The following TMEM230 variants were observed in gnomAD, a reference collection of about 807,000 sequenced individuals.
TMEM230 encodes UPF0414 transmembrane protein C20orf30.
Under a neutral mutation model 15.8 loss-of-function variants are expected in TMEM230, and 10 were observed. The observed-to-expected ratio is 0.63, with a 90% confidence interval of 0.39 to 1.07. The LOEUF is 1.07. Among genes scored for constraint, TMEM230 ranks in the 50% least tolerant of loss-of-function variants. The pLI is 0.01. For missense variants in TMEM230, 165 were observed against 193.3 expected, an observed-to-expected ratio of 0.85 and a Z score of 0.87; for synonymous variants, 67 against 76.9, an observed-to-expected ratio of 0.87 and a Z score of 0.68.
At chr20:5,067,410 C>CATATATATATATATATAT (rs60791101), downstream of TMEM230, 8 of 102,312 alleles carry the variant, frequency 7.8e-5, 1 homozygote, top group Non-Finnish European at 1.6e-4. Flanking sequence ...TGTTTAGGCT[C>CATATATATATATATATAT]ATATATATAT....
chr20:5,069,381 C>G (rs1482656819), intron 3 of TMEM230: 2 of 1,513,184 alleles, frequency 1.3e-6, no homozygotes, highest in Non-Finnish European at 1.8e-6. Context: ...TCAATTCCAC[C>G]ACAAGTTCTG....
At chr20:5,062,740 G>A in the TMEM230 span, among the ~76,000 whole-genome samples, 3 of 152,100 alleles carry the variant, frequency 2.0e-5, no homozygotes, top group Admixed American at 2.0e-4. Context: ...TCCAGCCTGG[G>A]AAACAGAGTG....
chr20:5,076,474 G>A lies in TMEM230; in HGVS notation c.223-7125C>T, dbSNP rs199950963. On this transcript the variant is annotated intron_variant, in intron 3 of 3. Coordinates refer to the TMEM230 transcript ENST00000612323. Reference sequence around the variant, plus strand: ...GAGAATCACTTGCACCCATGAGGTGGAGGTTGCAGTGAGCTGAGAGCGCGC... The same window carrying A: ...GAGAATCACTTGCACCCATGAGGTGAAGGTTGCAGTGAGCTGAGAGCGCGC... Among the ~76,000 whole-genome samples, 15 of 152,076 alleles carry A rather than the reference G, an allele frequency of 9.9e-5. No individual in the cohort carries two copies. The East Asian group carries it at 2.9e-3, about 30-fold the overall frequency.
chr20:5,111,894 T>G (rs1233952072), intron 1 of TMEM230: 1 of 620,706 alleles, frequency 1.6e-6, no homozygotes, highest in Non-Finnish European at 2.0e-6. Flanking sequence ...TCACCCAGGC[T>G]AGAGTTTAGG....
At chr20:5,111,949 C>T (rs533727287) in intron 1 of TMEM230, 3 of 199,710 alleles carry the variant, frequency 1.5e-5, no homozygotes, top group East Asian at 1.9e-4. Context: ...AGGGTTCAAA[C>T]GATTCTCCTG....
At chr20:5,098,082 A>G (rs901585883), downstream of TMEM230, among the ~76,000 whole-genome samples, 38 of 148,826 alleles carry the variant, frequency 2.6e-4, no homozygotes, top group African/African-American at 9.5e-4. Context: ...GGTTCAAGCA[A>G]TTCTCCTGCC....
At chr20:5,067,506 C>T (rs955894355), downstream of TMEM230, 2 of 145,936 alleles carry the variant, frequency 1.4e-5, no homozygotes, top group Non-Finnish European at 3.0e-5. Flanking sequence ...TGCAATGGTG[C>T]CATCTTGGCT....
At chr20:5,081,293 C>T (rs899560958) in intron 3 of TMEM230, among the ~76,000 whole-genome samples, 1 of 152,118 alleles carries the variant, frequency 6.6e-6, no homozygotes, top group Non-Finnish European at 1.5e-5. Flanking sequence ...GGGCGAGCTG[C>T]CAGCAGGAGA....
downstream of TMEM230, among the ~76,000 whole-genome samples, chr20:5,063,776 C>CA (rs1193489523): frequency 2.1e-5 from 3 of 144,302 alleles, no homozygotes; most frequent in African/African-American, 8.5e-5. Flanking sequence ...GAATTTATAA[C>CA]AAAAATCCAA....
Position 5,085,947 on chromosome 20 carries a change from T to C in TMEM230, c.223-16598A>G, listed in dbSNP as rs192559474. Among the ~76,000 whole-genome samples, 648 of 152,224 alleles carry C rather than the reference T, an allele frequency of 4.3e-3. 6 individuals are homozygous for C. Among genetic ancestry groups the C allele is most frequent in the African/African-American group, 0.015 (610 of 41,548 alleles). Reference sequence around the variant, plus strand: ...TACCTGCCGTGTCACCTCTCACAGGTGCTCCTCTCACAGGCTGCTCCATCA... The same window carrying C: ...TACCTGCCGTGTCACCTCTCACAGGCGCTCCTCTCACAGGCTGCTCCATCA... On this transcript the variant is annotated intron_variant, in intron 3 of 3. Transcript: ENST00000612323.
chr20:5,101,715 A>G (rs1158983427), intron 4 of TMEM230, among the ~76,000 whole-genome samples: 1 of 152,220 alleles, frequency 6.6e-6, no homozygotes, highest in African/African-American at 2.4e-5. Flanking sequence ...GGCTTGAGCC[A>G]CTGCACCTGG....
chr20:5,108,474 T>G (rs368083402), intron 3 of TMEM230, among the ~76,000 whole-genome samples: 9 of 151,490 alleles, frequency 5.9e-5, no homozygotes, highest in Middle Eastern at 3.5e-3. Context: ...TCCAAATGAT[T>G]AGTTGTTTGT....
At chr20:5,067,429 A>ATATATATG (rs2088681181), downstream of TMEM230, 2 of 12,172 alleles carry the variant, frequency 1.6e-4, no homozygotes, top group Non-Finnish European at 2.9e-4. Flanking sequence ...ATATATATAT[A>ATATATATG]TATATATATA....
chr20:5,069,759 G>A (rs2088764106), intron 3 of TMEM230, among the ~76,000 whole-genome samples: 2 of 151,672 alleles, frequency 1.3e-5, no homozygotes, highest in Non-Finnish European at 2.9e-5. Context: ...ACCTAGGCTG[G>A]AGTGCAGTGG....
At chr20:5,093,235 T>A (rs2089560193) in intron 3 of TMEM230, among the ~76,000 whole-genome samples, 1 of 152,220 alleles carries the variant, frequency 6.6e-6, no homozygotes, top group Admixed American at 6.5e-5. Context: ...ACCTCCATTT[T>A]ATTTCCTATT....
intron 3 of TMEM230, among the ~76,000 whole-genome samples, chr20:5,083,855 T>C (rs1319855565): frequency 6.6e-6 from 1 of 152,150 alleles, no homozygotes; most frequent in Non-Finnish European, 1.5e-5. Flanking sequence ...AAGATCTTTT[T>C]CTCTCTCTTT....
chr20:5,091,500 C>T (rs759716485), intron 3 of TMEM230, among the ~76,000 whole-genome samples: 6 of 152,106 alleles, frequency 3.9e-5, no homozygotes, highest in Admixed American at 1.3e-4. Context: ...TGTGAGCCAC[C>T]GCACCCAGCT....
chr20:5,112,664 CGA>C, intron 1 of TMEM230: 7 of 1,361,482 alleles, frequency 5.1e-6, no homozygotes, highest in Middle Eastern at 2.5e-4. Flanking sequence ...CTGAATGTTA[CGA>C]GAGTTCTAAA....
downstream of TMEM230, among the ~76,000 whole-genome samples, chr20:5,064,187 A>G (rs1289694950): frequency 6.6e-6 from 1 of 152,166 alleles, no homozygotes; most frequent in Non-Finnish European, 1.5e-5. Context: ...GAATCACTTG[A>G]ACCCAGGAGG....
Sources: allele counts gnomAD v4.1 joint callset (sites outside exome capture counted in the v4.1 genomes callset), GRCh38; gene constraint gnomAD v4.1.1; transcripts MANE v1.5; gene names NCBI Gene and HGNC (gene_info 2026-07-23, HGNC 2026-07-21).